Variants in LRRC63 observed in about 807,000 individuals in gnomAD.
LRRC63 encodes leucine-rich repeat-containing protein 63.
Under a neutral mutation model 49.5 loss-of-function variants are expected in LRRC63, and 40 were observed. The observed-to-expected ratio is 0.81, with a 90% CI of 0.63 to 1.05. LRRC63 has a LOEUF of 1.05. Ranked by LOEUF, LRRC63 falls within the 50% of genes least tolerant of loss-of-function variation. LRRC63 has a pLI of 0.00. For missense variants in LRRC63, 636 were observed against 663.1 expected (o/e 0.96, Z 0.45); for synonymous variants, 191 against 221.1 (o/e 0.86, Z 1.21).
intron 7 of LRRC63, among the ~76,000 whole-genome samples, chr13:46,254,898 C>T (rs2047469919): frequency 6.6e-6 from 1 of 152,146 alleles, no homozygotes; most frequent in East Asian, 1.9e-4. Context: ...TTGGGAATGT[C>T]CATAGCAGTT....
intron 5 of LRRC63, among the ~76,000 whole-genome samples, chr13:46,240,795 A>G (rs930250049): frequency 6.6e-6 from 1 of 152,196 alleles, no homozygotes; most frequent in African/African-American, 2.4e-5. Flanking sequence ...CGATCTCTAC[A>G]AGGAGAACTA....
chr13:46,265,328 CCA>C (rs2047669868), intron 8 of LRRC63, among the ~76,000 whole-genome samples: 1 of 152,162 alleles, frequency 6.6e-6, no homozygotes, highest in African/African-American at 2.4e-5. Context: ...CTAGAGTGTG[CCA>C]CACTCATTCT....
chr13:46,228,811 G>A, intron 4 of LRRC63, 78 bp downstream of exon 4: 1 of 963,070 alleles, frequency 1.0e-6, no homozygotes, highest in South Asian at 1.5e-5. Flanking sequence ...GTGATTTTTT[G>A]TGTTTATGTG....
intron 9 of LRRC63, among the ~76,000 whole-genome samples, chr13:46,271,554 T>C (rs768181028): frequency 6.6e-6 from 1 of 152,114 alleles, no homozygotes; most frequent in Non-Finnish European, 1.5e-5. Flanking sequence ...ACAAAAGCTT[T>C]CCTAGGAAAT....
chr13:46,240,909 C>T (rs1023780441), intron 5 of LRRC63, among the ~76,000 whole-genome samples: 13 of 152,114 alleles, frequency 8.5e-5, no homozygotes, highest in Non-Finnish European at 1.9e-4. Context: ...GCCATACTGA[C>T]GAAAGCGATT....
chr13:46,228,858 C>T (rs2046657787), intron 4 of LRRC63, 125 bp downstream of exon 4: 1 of 625,814 alleles, frequency 1.6e-6, no homozygotes, highest in Admixed American at 3.0e-5. Context: ...TATGTCTTAC[C>T]TCATTTTCAG....
exon 8 of LRRC63, chr13:46,261,978 A>T: frequency 8.7e-7 from 1 of 1,149,786 alleles, no homozygotes; most frequent in Non-Finnish European, 1.1e-6. Context: ...TTCCAAATGA[A>T]ATTCAGAAAC....
At chr13:46,246,946 A>G (rs1025768364) in intron 6 of LRRC63, among the ~76,000 whole-genome samples, 1 of 152,162 alleles carries the variant, frequency 6.6e-6, no homozygotes, top group Non-Finnish European at 1.5e-5. Flanking sequence ...GCCAATCAGA[A>G]GCTTTAAAAA....
intron 7 of LRRC63, among the ~76,000 whole-genome samples, chr13:46,259,640 A>C (rs1345564552): frequency 6.6e-6 from 1 of 152,240 alleles, no homozygotes; most frequent in Non-Finnish European, 1.5e-5. Context: ...GTTATTTATT[A>C]AAGAAGGGGA....
intron 2 of LRRC63, among the ~76,000 whole-genome samples, chr13:46,223,359 G>A (rs2138380825): frequency 6.6e-6 from 1 of 151,956 alleles, no homozygotes; most frequent in South Asian, 2.1e-4. Flanking sequence ...AGCATTTCTT[G>A]TAGCGTCACT....
chr13:46,275,040 C>T (rs2047814903), intron 9 of LRRC63, among the ~76,000 whole-genome samples: 1 of 152,162 alleles, frequency 6.6e-6, no homozygotes, highest in African/African-American at 2.4e-5. Context: ...CTCTCTACTT[C>T]CATGAGCTCA....
intron 4 of LRRC63, 124 bp from the exon 5 acceptor site, chr13:46,234,068 A>G (rs2046837647): frequency 1.2e-6 from 1 of 833,932 alleles, no homozygotes; most frequent in African/African-American, 1.7e-5. Flanking sequence ...AATCCCTGCC[A>G]GAGGATGTGT....
chr13:46,232,187 G>A (rs2046782979), intron 4 of LRRC63, among the ~76,000 whole-genome samples: 2 of 152,124 alleles, frequency 1.3e-5, no homozygotes, highest in African/African-American at 4.8e-5. Flanking sequence ...TAGGAGATCT[G>A]CCCCCATGAC....
At chr13:46,241,280 T>A (rs1216309107) in intron 5 of LRRC63, among the ~76,000 whole-genome samples, 1 of 152,124 alleles carries the variant, frequency 6.6e-6, no homozygotes, top group Admixed American at 6.5e-5. Flanking sequence ...ATGCAGAAGA[T>A]TGAAACTGGA....
At chr13:46,270,617 T>C (rs1278451974) in intron 9 of LRRC63, 1 of 846,390 alleles carries the variant, frequency 1.2e-6, no homozygotes, top group Non-Finnish European at 2.0e-6. Context: ...AACAGTGACG[T>C]CATGAGGACT....
chr13:46,239,068 C>T (rs1428157208), intron 5 of LRRC63, among the ~76,000 whole-genome samples: 2 of 151,956 alleles, frequency 1.3e-5, no homozygotes, highest in East Asian at 3.8e-4. Flanking sequence ...AACATCAAAA[C>T]CAAAAGAATT....
At chr13:46,269,752 G>A (rs148321381) in intron 9 of LRRC63, among the ~76,000 whole-genome samples, 2,124 of 148,944 alleles carry the variant, frequency 0.014, 56 homozygotes, top group African/African-American at 0.05. Flanking sequence ...GCCATTAACT[G>A]GAAGAAGATA....
intron 5 of LRRC63, among the ~76,000 whole-genome samples, chr13:46,242,008 C>T (rs531708198): frequency 5.3e-5 from 8 of 152,016 alleles, no homozygotes; most frequent in Non-Finnish European, 1.0e-4. Flanking sequence ...ATTATAGGGA[C>T]ACATGCGTAT....
At chr13:46,230,773 C>G (rs11147998) in intron 4 of LRRC63, among the ~76,000 whole-genome samples, 1 of 152,176 alleles carries the variant, frequency 6.6e-6, no homozygotes, top group Non-Finnish European at 1.5e-5. Flanking sequence ...TGCAAATTTT[C>G]CAAACTTTTA....
Sources: gnomAD v4.1 joint callset for allele counts (sites outside exome capture counted in the v4.1 genomes callset) on GRCh38, gnomAD v4.1.1 for gene constraint, MANE v1.5 for transcripts, NCBI Gene and HGNC (gene_info 2026-07-23, HGNC 2026-07-21) for gene names.